Variants in IL22RA2 observed in about 807,000 individuals in gnomAD.
The protein encoded by IL22RA2 is interleukin-22 receptor subunit alpha-2.
A neutral mutation model predicts 30.7 loss-of-function variants in IL22RA2; 39 were observed. The ratio of observed to expected loss-of-function variants is 1.27; its 90% CI spans 0.98 to 1.66. The LOEUF is 1.66. Ranked by LOEUF, IL22RA2 falls within the 40% of genes most tolerant of loss-of-function variation. The pLI is 0.00. For synonymous variants in IL22RA2, 103 were observed against 105.0 expected (o/e 0.98, Z 0.11); for missense variants, 315 against 312.7 (o/e 1.01, Z -0.05).
chr6:137,164,564 T>C (rs1778589499), intron 1 of IL22RA2, among the ~76,000 whole-genome samples: 1 of 152,188 alleles, frequency 6.6e-6, no homozygotes, highest in African/African-American at 2.4e-5. Context: ...CACCAATTTA[T>C]CCACCTCTGG....
intron 1 of IL22RA2, among the ~76,000 whole-genome samples, chr6:137,171,107 T>C (rs979470181): frequency 6.6e-6 from 1 of 152,244 alleles, no homozygotes; most frequent in Non-Finnish European, 1.5e-5. Flanking sequence ...GGAATAATGA[T>C]GGCTGCTAAG....
intron 1 of IL22RA2, among the ~76,000 whole-genome samples, chr6:137,166,511 C>T (rs973436958): frequency 6.6e-6 from 1 of 152,168 alleles, no homozygotes; most frequent in African/African-American, 2.4e-5. Context: ...CCAGAGAAAA[C>T]AGAAAGGCAG....
rs763157429 is a variant in IL22RA2 at position 137,156,785 on chromosome 6, G to A, written c.267C>T (p.Asn89=). 14 of 1,613,948 alleles carry A rather than the reference G, an allele frequency of 8.7e-6. No individual in the cohort carries two copies. The highest frequency in any genetic ancestry group is 1.1e-5 in the Non-Finnish European group (13 of 1,179,824). ...TAGCCAATGTTCTGCAGCCTGGGAA[G>A]TTACAAGAAATGTGCTGCCAGCATC... is the stretch of plus-strand genomic sequence containing the variant. ...PSGCWQHISC[N]FPGCRTLAKY... Residue 89 remains asparagine, a synonymous_variant, in exon 4 of 7, where the codon AAC becomes AAT. Coordinates refer to ENST00000296980, the MANE Select transcript of IL22RA2 (RefSeq NM_052962.3).
intron 2 of IL22RA2, among the ~76,000 whole-genome samples, chr6:137,160,555 G>T (rs1778501341): frequency 6.6e-6 from 1 of 152,200 alleles, no homozygotes; most frequent in African/African-American, 2.4e-5. Flanking sequence ...CCAATTAGAA[G>T]CTGAGGCTAT....
intron 4 of IL22RA2, 95 bp downstream of exon 4, chr6:137,156,664 A>G (rs767549850): frequency 1.5e-5 from 22 of 1,506,158 alleles, no homozygotes; most frequent in Non-Finnish European, 1.7e-5. Flanking sequence ...GGATTCAGGT[A>G]TTCTGGGGTC....
At chr6:137,169,871 A>T (rs575917074) in intron 1 of IL22RA2, among the ~76,000 whole-genome samples, 1 of 152,214 alleles carries the variant, frequency 6.6e-6, no homozygotes, top group Non-Finnish European at 1.5e-5. Flanking sequence ...TTACAAATTG[A>T]TGACAATGGA....
chr6:137,170,089 T>C (rs1778700462), intron 1 of IL22RA2, among the ~76,000 whole-genome samples: 1 of 152,126 alleles, frequency 6.6e-6, no homozygotes, highest in Non-Finnish European at 1.5e-5. Flanking sequence ...AAGCATCCAA[T>C]CCACCATAGA....
At chr6:137,149,728 G>A (rs1057476386) in intron 5 of IL22RA2, among the ~76,000 whole-genome samples, 1 of 152,142 alleles carries the variant, frequency 6.6e-6, no homozygotes, top group Non-Finnish European at 1.5e-5. Flanking sequence ...TGTTTTTCTG[G>A]AGGAAGTCAC....
At chr6:137,157,138 G>A (rs1418317533) in intron 3 of IL22RA2, among the ~76,000 whole-genome samples, 3 of 152,106 alleles carry the variant, frequency 2.0e-5, no homozygotes, top group Non-Finnish European at 4.4e-5. Flanking sequence ...ATAGCAGCTT[G>A]GGAGTCCTCT....
At chr6:137,160,660 A>G (rs1424655143) in intron 2 of IL22RA2, among the ~76,000 whole-genome samples, 1 of 152,234 alleles carries the variant, frequency 6.6e-6, no homozygotes, top group African/African-American at 2.4e-5. Context: ...GTTAGGCACT[A>G]TGTTCAAAGC....
At chr6:137,165,844 G>A (rs1778616303) in intron 1 of IL22RA2, among the ~76,000 whole-genome samples, 1 of 152,196 alleles carries the variant, frequency 6.6e-6, no homozygotes, top group African/African-American at 2.4e-5. Flanking sequence ...TAATTTGGGT[G>A]CCCCACACGG....
Position 137,145,006 on chromosome 6 carries a change from T to C in IL22RA2, c.*618A>G, listed in dbSNP as rs967184571. The C allele has an allele frequency of 1.3e-5, 2 of 149,730 alleles. No homozygotes were observed. The highest frequency in any genetic ancestry group is 1.5e-5 in the Non-Finnish European group (1 of 67,950). The allele number at this position is 149,730 out of a possible 1,614,324, so 9.3% of individuals were successfully genotyped here. A position where few individuals can be genotyped will look rare whatever the true frequency, so the allele number is the denominator to read the frequency against. On this transcript the variant is annotated 3_prime_UTR_variant, in exon 7 of 7. Transcript: ENST00000296980. ...AGATATCAATCCAGAAATCATAAGA[T>C]TTTTTTCCCCAAAACCTGTTCTTAT...
At chr6:137,171,438 G>A (rs949198547) in intron 1 of IL22RA2, among the ~76,000 whole-genome samples, 2 of 152,208 alleles carry the variant, frequency 1.3e-5, no homozygotes, top group Non-Finnish European at 2.9e-5. Context: ...TGTAGGAGGG[G>A]AAGCAGGTAA....
chr6:137,156,797 G>A lies in IL22RA2; in HGVS notation c.255C>T (p.His85=). 6.2e-7 allele frequency: 1 copy of A among 1,613,962 alleles called. No individual in the cohort carries two copies. The highest frequency in any genetic ancestry group is 8.5e-7 in the Non-Finnish European group (1 of 1,179,834). ...TGCAGCCTGGGAAGTTACAAGAAAT[G>A]TGCTGCCAGCATCCACTTGGCTTCT... ...SHQKPSGCWQ[H]ISCNFPGCRT... Residue 85 remains histidine, a synonymous_variant, in exon 4 of 7, where the codon CAC becomes CAT. Coordinates refer to ENST00000296980, the MANE Select transcript of IL22RA2 (RefSeq NM_052962.3).
At chr6:137,154,477 T>C (rs947756565) in intron 5 of IL22RA2, among the ~76,000 whole-genome samples, 2 of 151,892 alleles carry the variant, frequency 1.3e-5, no homozygotes, top group African/African-American at 4.8e-5. Context: ...TAGCCAAGGG[T>C]GGTGGCACAC....
intron 5 of IL22RA2, among the ~76,000 whole-genome samples, chr6:137,148,560 G>C (rs557148370): frequency 6.6e-6 from 1 of 152,338 alleles, no homozygotes; most frequent in South Asian, 2.1e-4. Flanking sequence ...GGCAGTCACT[G>C]TGTTGGTCTT....
At chr6:137,159,871 C>G (rs961015901) in intron 2 of IL22RA2, among the ~76,000 whole-genome samples, 2 of 152,220 alleles carry the variant, frequency 1.3e-5, no homozygotes, top group Non-Finnish European at 2.9e-5. Flanking sequence ...ACTTCCAAGC[C>G]CATGGTCTCA....
chr6:137,156,743 A>T lies in IL22RA2; in HGVS notation c.293+16T>A, dbSNP rs374132510. On this transcript the variant is annotated intron_variant, in intron 4 of 6. Coordinates refer to ENST00000296980, the MANE Select transcript of IL22RA2 (RefSeq NM_052962.3). ...AACACCTGAGGCTAGGTAATTGATA[A>T]GGAAAAGAGGTGTACTTAGCCAATG... 1.9e-6 allele frequency: 3 copies of T among 1,607,696 alleles called. No homozygotes were observed. Among genetic ancestry groups the T allele is most frequent in the Non-Finnish European group, 2.6e-6 (3 of 1,174,628 alleles).
Position 137,158,393 on chromosome 6 carries a change from T to A in IL22RA2, c.151A>T (p.Arg51Trp), listed in dbSNP as rs765051005. Residue 51 changes from arginine (R) to tryptophan (W), a missense_variant, in exon 3 of 7, where the codon AGG becomes TGG. By Grantham distance (101) the Arg-to-Trp change is moderately radical. Transcript: ENST00000296980. ...ACACTGCTGTTGCCAGTAAGTGCCCTCCCAGGCTGCCATTGCAAAATGTTG... is the reference window on the plus strand; with the variant it reads ...ACACTGCTGTTGCCAGTAAGTGCCCACCCAGGCTGCCATTGCAAAATGTTG... Reference protein sequence around the residue: ...FHNILQWQPGRALTGNSSVYF... With the variant: ...FHNILQWQPGWALTGNSSVYF... 5 of 1,614,180 alleles carry A rather than the reference T, an allele frequency of 3.1e-6. No individual in the cohort carries two copies. The highest frequency in any genetic ancestry group is 4.2e-6 in the Non-Finnish European group (5 of 1,180,014).
Sources: allele counts gnomAD v4.1 joint callset (sites outside exome capture counted in the v4.1 genomes callset), GRCh38; gene constraint gnomAD v4.1.1; transcripts MANE v1.5; gene names NCBI Gene and HGNC (gene_info 2026-07-23, HGNC 2026-07-21).